Variants in PDE7B observed in about 807,000 individuals in gnomAD.
PDE7B encodes 3',5'-cyclic-AMP phosphodiesterase 7B.
A neutral mutation model predicts 56.2 loss-of-function variants in PDE7B; 29 were observed. The ratio of observed to expected loss-of-function variants is 0.52; its 90% CI spans 0.38 to 0.70. PDE7B has a LOEUF of 0.70. Among genes scored for constraint, PDE7B ranks in the 30% least tolerant of loss-of-function variants. The probability of loss-of-function intolerance (pLI) is 0.00; values close to 1 mark genes in which losing one functional copy is unlikely to be tolerated. For missense variants in PDE7B, 490 were observed against 565.0 expected, an observed-to-expected ratio of 0.87 and a Z score of 1.35; for synonymous variants, 197 against 196.9, an observed-to-expected ratio of 1.00 and a Z score of 0.00.
chr6:135,974,403 A>G lies in PDE7B; in HGVS notation c.82+26879A>G, dbSNP rs576727119. On this transcript the variant is annotated intron_variant, in intron 2 of 12. Coordinates refer to ENST00000308191, the MANE Select transcript of PDE7B (RefSeq NM_018945.4). The stretch of plus-strand genomic sequence containing the variant: ...ACTACACTTTTCTTATTTTCATCAT[A>G]TGGGTGTTATGTTCCCTGAAACACT... Among the ~76,000 whole-genome samples, 3 of 152,258 alleles carry G rather than the reference A, an allele frequency of 2.0e-5. No individual in the cohort carries two copies. The East Asian group carries it at 5.8e-4, about 29-fold the overall frequency.
At chr6:136,021,505 G>A (rs551955057) in intron 2 of PDE7B, among the ~76,000 whole-genome samples, 5 of 152,172 alleles carry the variant, frequency 3.3e-5, no homozygotes, top group East Asian at 1.9e-4. Flanking sequence ...CTGTCTGGGC[G>A]TGGTGGTGCA....
At chr6:136,130,809 A>G (rs1778104664) in intron 3 of PDE7B, among the ~76,000 whole-genome samples, 1 of 152,192 alleles carries the variant, frequency 6.6e-6, no homozygotes. Flanking sequence ...CCTCACAATC[A>G]TGGTGGGAGA....
chr6:136,095,325 A>T (rs903801277), intron 2 of PDE7B, among the ~76,000 whole-genome samples: 2 of 152,170 alleles, frequency 1.3e-5, no homozygotes, highest in African/African-American at 4.8e-5. Flanking sequence ...TATCAAATTT[A>T]TGTAATACAT....
chr6:136,172,433 CTTCCT>C (rs1778904131), intron 8 of PDE7B, among the ~76,000 whole-genome samples: 1 of 152,158 alleles, frequency 6.6e-6, no homozygotes, highest in South Asian at 2.1e-4. Flanking sequence ...GCATAAATGT[CTTCCT>C]TTGAGACATG....
rs149720184 is a variant in PDE7B at position 135,871,245 on chromosome 6, A to C, written c.21+19226A>C. The stretch of plus-strand genomic sequence containing the variant: ...TTTTACTTTACATGAAGAGATGGGC[A>C]TCTTCAATTTACAAAGTTGATTAGA... On this transcript the variant is annotated intron_variant, in intron 1 of 12. Coordinates refer to ENST00000308191, the MANE Select transcript of PDE7B (RefSeq NM_018945.4). Among the ~76,000 whole-genome samples, 3 of 152,324 alleles carry C rather than the reference A, an allele frequency of 2.0e-5. No homozygotes were observed. The South Asian group carries it at 6.2e-4, about 32-fold the overall frequency.
chr6:135,995,316 A>G (rs1156241379), intron 2 of PDE7B, among the ~76,000 whole-genome samples: 1 of 152,170 alleles, frequency 6.6e-6, no homozygotes, highest in Non-Finnish European at 1.5e-5. Flanking sequence ...AAAAGGAAGC[A>G]TGGTGTGTAT....
At chr6:135,858,626 C>T (rs1775083570) in intron 1 of PDE7B, among the ~76,000 whole-genome samples, 4 of 152,320 alleles carry the variant, frequency 2.6e-5, no homozygotes, top group Admixed American at 2.6e-4. Context: ...TTGGGCCAAT[C>T]AGCCCTCTGG....
chr6:136,121,960 T>C (rs1224665396), intron 3 of PDE7B, among the ~76,000 whole-genome samples: 1 of 152,144 alleles, frequency 6.6e-6, no homozygotes, highest in Admixed American at 6.5e-5. Flanking sequence ...AAGGGTTGGT[T>C]AGAACCAGAC....
chr6:135,886,228 A>AGT (rs1335437419), intron 1 of PDE7B, among the ~76,000 whole-genome samples: 10 of 152,026 alleles, frequency 6.6e-5, no homozygotes. Flanking sequence ...ACTTTTCCTG[A>AGT]GTGTAGGGTT....
At chr6:136,051,802 T>C (rs1446670443) in intron 2 of PDE7B, among the ~76,000 whole-genome samples, 1 of 152,204 alleles carries the variant, frequency 6.6e-6, no homozygotes, top group Non-Finnish European at 1.5e-5. Context: ...CTTCATTATT[T>C]CCACCTTTCG....
chr6:135,944,593 C>T (rs1005588581), intron 1 of PDE7B, among the ~76,000 whole-genome samples: 3 of 152,186 alleles, frequency 2.0e-5, no homozygotes, highest in African/African-American at 7.2e-5. Context: ...AGGGCCACCA[C>T]ACCTGTTCTT....
chr6:136,047,262 T>G (rs751279463), intron 2 of PDE7B: 2 of 152,232 alleles, frequency 1.3e-5, no homozygotes, highest in African/African-American at 2.4e-5. Context: ...CTGAAAAGTT[T>G]GACCAAATGA....
intron 1 of PDE7B, among the ~76,000 whole-genome samples, chr6:135,900,334 G>T (rs1364160364): frequency 6.6e-6 from 1 of 151,750 alleles, no homozygotes; most frequent in Non-Finnish European, 1.5e-5. Context: ...CTTTAAGTGG[G>T]TTTTTTATAT....
chr6:135,921,194 C>G (rs1017341766), intron 1 of PDE7B, among the ~76,000 whole-genome samples: 1 of 152,030 alleles, frequency 6.6e-6, no homozygotes, highest in Non-Finnish European at 1.5e-5. Context: ...TCCAACTTAC[C>G]ATCACTTGTC....
chr6:136,169,453 T>C (rs1778847397), intron 8 of PDE7B, among the ~76,000 whole-genome samples: 1 of 152,140 alleles, frequency 6.6e-6, no homozygotes, highest in Non-Finnish European at 1.5e-5. Flanking sequence ...TTCCTAAGTA[T>C]CCTTTTATTC....
chr6:136,180,970 T>G (rs1161362838), intron 10 of PDE7B, among the ~76,000 whole-genome samples: 1 of 152,100 alleles, frequency 6.6e-6, no homozygotes, highest in Non-Finnish European at 1.5e-5. Flanking sequence ...CCCACCCAAG[T>G]CTCTTCCAGC....
chr6:135,916,392 C>CTTTCTT (rs1554266499), intron 1 of PDE7B, among the ~76,000 whole-genome samples: 4 of 96,350 alleles, frequency 4.2e-5, no homozygotes, highest in Admixed American at 4.0e-4. Context: ...TCTTTTCTTT[C>CTTTCTT]TTTTTTTTTT....
chr6:135,943,754 T>G (rs1305129529), intron 1 of PDE7B, among the ~76,000 whole-genome samples: 1 of 152,170 alleles, frequency 6.6e-6, no homozygotes, highest in Non-Finnish European at 1.5e-5. Flanking sequence ...AAGGCCCTGG[T>G]ATGAACAAGG....
intron 2 of PDE7B, among the ~76,000 whole-genome samples, chr6:136,056,721 G>A (rs993488966): frequency 1.4e-4 from 21 of 151,352 alleles, no homozygotes; most frequent in African/African-American, 4.4e-4. Flanking sequence ...TAGTAGAGAC[G>A]GGGTTTTGCC....
Sources: allele counts gnomAD v4.1 joint callset (sites outside exome capture counted in the v4.1 genomes callset), GRCh38; gene constraint gnomAD v4.1.1; transcripts MANE v1.5; gene names NCBI Gene and HGNC (gene_info 2026-07-23, HGNC 2026-07-21).